The following COL5A2 variants were observed in gnomAD, a reference collection of about 807,000 sequenced individuals.
The protein encoded by COL5A2 is collagen alpha-2(V) chain.
Under a neutral mutation model 208.2 loss-of-function variants are expected in COL5A2, and 23 were observed. That is an observed-to-expected ratio of 0.11 (90% CI 0.08 to 0.16). The LOEUF is 0.16. Ranked by LOEUF, COL5A2 falls within the 10% of genes least tolerant of loss-of-function variation. COL5A2 has a pLI of 1.00. For synonymous variants in COL5A2, 625 were observed against 628.5 expected, an observed-to-expected ratio of 0.99 and a Z score of 0.08; for missense variants, 1,590 against 1,956.4, an observed-to-expected ratio of 0.81 and a Z score of 3.53.
intron 41 of COL5A2, among the ~76,000 whole-genome samples, chr2:189,051,847 A>T (rs1685796277): frequency 6.6e-6 from 1 of 152,230 alleles, no homozygotes; most frequent in Non-Finnish European, 1.5e-5. Flanking sequence ...AATGAATGAC[A>T]TTTATTAAAG....
the COL5A2 span, among the ~76,000 whole-genome samples, chr2:189,440,416 GAAC>G: frequency 8.3e-4 from 127 of 152,228 alleles, no homozygotes; most frequent in African/African-American, 2.4e-3. Context: ...CTACAAATCT[GAAC>G]AACATGTTAC....
intron 1 of COL5A2, among the ~76,000 whole-genome samples, chr2:189,167,940 T>G (rs1449647964): frequency 9.7e-6 from 1 of 102,640 alleles, no homozygotes; most frequent in Non-Finnish European, 2.3e-5. Flanking sequence ...CAGTACAAAC[T>G]CCTATTTTTT....
chr2:189,240,865 A>G, the COL5A2 span, among the ~76,000 whole-genome samples: 1 of 152,212 alleles, frequency 6.6e-6, no homozygotes, highest in African/African-American at 2.4e-5. Flanking sequence ...AAAATCTAAG[A>G]CATAAAAGGA....
chr2:189,079,526 C>G (rs1686486194), intron 14 of COL5A2, among the ~76,000 whole-genome samples: 1 of 152,132 alleles, frequency 6.6e-6, no homozygotes, highest in Non-Finnish European at 1.5e-5. Context: ...ATGCTTTCCA[C>G]TAGAAATTCC....
At chr2:189,303,932 T>C in the COL5A2 span, among the ~76,000 whole-genome samples, 2 of 152,140 alleles carry the variant, frequency 1.3e-5, no homozygotes, top group South Asian at 4.1e-4. Flanking sequence ...TAAAACTCCT[T>C]TACATTTAAT....
At chr2:189,057,503 A>G in intron 33 of COL5A2, 76 bp from the exon 34 acceptor site, 1 of 1,082,544 alleles carries the variant, frequency 9.2e-7, no homozygotes, top group Non-Finnish European at 1.4e-6. Context: ...TTAGTGGGTC[A>G]AAAGTAGTTG....
At chr2:189,066,580 T>C (rs1301329861) in intron 22 of COL5A2, 83 bp from the exon 23 acceptor site, 6 of 1,450,124 alleles carry the variant, frequency 4.1e-6, no homozygotes, top group Non-Finnish European at 4.9e-6. Flanking sequence ...ACGAAGTCAG[T>C]CACAAATTTT....
chr2:189,069,585 C>G (rs1020209944), intron 18 of COL5A2, among the ~76,000 whole-genome samples: 1 of 152,072 alleles, frequency 6.6e-6, no homozygotes, highest in Non-Finnish European at 1.5e-5. Context: ...AAGCTTCATG[C>G]AATCATCAGA....
chr2:189,187,968 C>CAA (rs71020986), intron 1 of COL5A2, among the ~76,000 whole-genome samples: 1 of 139,638 alleles, frequency 7.2e-6, no homozygotes, highest in Non-Finnish European at 1.6e-5. Context: ...GACTCTGTCT[C>CAA]AAAAAAAAAA....
At chr2:189,279,419 T>A in the COL5A2 span, among the ~76,000 whole-genome samples, 2 of 151,574 alleles carry the variant, frequency 1.3e-5, no homozygotes, top group Non-Finnish European at 2.9e-5. Flanking sequence ...AGAAAAACAA[T>A]CATTTTCAAT....
chr2:189,300,694 G>A, the COL5A2 span, among the ~76,000 whole-genome samples: 9 of 152,304 alleles, frequency 5.9e-5, no homozygotes, highest in Middle Eastern at 3.4e-3. Flanking sequence ...AGGCCTAGAT[G>A]GTCCCAAAAT....
chr2:189,043,100 C>A lies in COL5A2; in HGVS notation c.3471+51G>T, dbSNP rs769568181. On this transcript the variant is annotated intron_variant, in intron 48 of 53. Coordinates refer to ENST00000374866, the MANE Select transcript of COL5A2 (RefSeq NM_000393.5). ...ACAGATAAATGTTCGTGTCAAGATA[C>A]CCGTGTATTTTCAACTACAGGGCAG... 7.0e-6 allele frequency: 9 copies of A among 1,286,910 alleles called. No homozygotes were observed. In the Admixed American group the frequency reaches 7.2e-5, roughly 10 times the overall value. 79.7% of individuals were successfully genotyped at this position (1,286,910 alleles called of 1,614,324 possible). A position where few individuals can be genotyped will look rare whatever the true frequency, so the allele number is the denominator to read the frequency against.
At chr2:189,184,451 C>T (rs143817226), upstream of COL5A2, among the ~76,000 whole-genome samples, 5 of 152,244 alleles carry the variant, frequency 3.3e-5, no homozygotes, top group Admixed American at 6.5e-5. Flanking sequence ...ACATGGATCT[C>T]GTTGAGATAA....
At chr2:189,270,585 G>C in the COL5A2 span, among the ~76,000 whole-genome samples, 1 of 152,134 alleles carries the variant, frequency 6.6e-6, no homozygotes, top group Admixed American at 6.6e-5. Context: ...ACTGTGGTCT[G>C]ACAGACTGTT....
At chr2:189,035,244 C>T in intron 52 of COL5A2, 89 bp from the exon 53 acceptor site, 1 of 1,504,194 alleles carries the variant, frequency 6.6e-7, no homozygotes, top group Non-Finnish European at 9.1e-7. Context: ...AAATTGATTT[C>T]AGATAAATCA....
the COL5A2 span, among the ~76,000 whole-genome samples, chr2:189,328,713 T>C: frequency 6.6e-6 from 1 of 152,334 alleles, no homozygotes; most frequent in Admixed American, 6.5e-5. Flanking sequence ...TAAAGTCAAC[T>C]TGGTCTCAGC....
chr2:189,058,107 A>G (rs919011564), intron 33 of COL5A2, among the ~76,000 whole-genome samples: 2 of 152,174 alleles, frequency 1.3e-5, no homozygotes, highest in African/African-American at 4.8e-5. Context: ...AAATTATGTA[A>G]TTTTCTATTT....
At chr2:189,182,725 A>T (rs1360722156), upstream of COL5A2, among the ~76,000 whole-genome samples, 1 of 152,192 alleles carries the variant, frequency 6.6e-6, no homozygotes, top group African/African-American at 2.4e-5. Flanking sequence ...AAAAGTGATA[A>T]TGCCTTACTT....
In COL5A2 at chr2:189,048,271, A is replaced by T. The variant is rs371002380; in HGVS notation, c.3148-9T>A. ...TCATTGCCAGCTGGACCCTATAAAG[A>T]ATAATGGTTTGAAAAACTACTTAAC... On this transcript the variant is annotated splice_polypyrimidine_tract_variant and intron_variant, in intron 44 of 53. Coordinates refer to ENST00000374866, the MANE Select transcript of COL5A2 (RefSeq NM_000393.5). 1.9e-6 allele frequency: 3 copies of T among 1,613,628 alleles called. No homozygotes were observed. The African/African-American group carries it at 4.0e-5, about 22-fold the overall frequency.
Sources: allele counts gnomAD v4.1 joint callset (sites outside exome capture counted in the v4.1 genomes callset), GRCh38; gene constraint gnomAD v4.1.1; transcripts MANE v1.5; gene names NCBI Gene and HGNC (gene_info 2026-07-23, HGNC 2026-07-21).